Variants in ACSL3 observed in about 807,000 individuals in gnomAD.
ACSL3 encodes fatty acid CoA ligase Acsl3.
A neutral mutation model predicts 84.7 loss-of-function variants in ACSL3; 34 were observed. The ratio of observed to expected loss-of-function variants is 0.40; its 90% CI spans 0.31 to 0.53. ACSL3 has a LOEUF of 0.53. Ranked by LOEUF, ACSL3 falls within the 20% of genes least tolerant of loss-of-function variation. The pLI is 0.48. For missense variants in ACSL3, 680 were observed against 873.1 expected (o/e 0.78, Z 2.79); for synonymous variants, 315 against 299.4 (o/e 1.05, Z -0.54).
intron 1 of ACSL3, among the ~76,000 whole-genome samples, chr2:222,876,507 G>A (rs1243309408): frequency 6.6e-6 from 1 of 151,112 alleles, no homozygotes; most frequent in Non-Finnish European, 1.5e-5. Context: ...ATTTTTTTTT[G>A]TAGACACTAG....
At chr2:222,866,176 C>T (rs541322913) in intron 1 of ACSL3, among the ~76,000 whole-genome samples, 4 of 151,808 alleles carry the variant, frequency 2.6e-5, no homozygotes, top group South Asian at 2.1e-4. Flanking sequence ...GACGGAGTCT[C>T]GCTCTGTCCC....
intron 1 of ACSL3, among the ~76,000 whole-genome samples, chr2:222,877,346 A>G (rs1489914424): frequency 6.6e-6 from 1 of 152,176 alleles, no homozygotes; most frequent in Non-Finnish European, 1.5e-5. Context: ...TTTCCTTGTA[A>G]TGAAGAGGTG....
chr2:222,883,095 T>C (rs1695631718), intron 1 of ACSL3, among the ~76,000 whole-genome samples: 1 of 151,908 alleles, frequency 6.6e-6, no homozygotes, highest in Non-Finnish European at 1.5e-5. Context: ...TAGTACCTCC[T>C]TTTATTCTGA....
chr2:222,908,565 A>G (rs1696357367), intron 3 of ACSL3, among the ~76,000 whole-genome samples, 168 bp from the exon 4 acceptor site: 1 of 152,126 alleles, frequency 6.6e-6, no homozygotes, highest in Non-Finnish European at 1.5e-5. Flanking sequence ...TCCGTTGTTA[A>G]TAGATATTGT....
chr2:222,874,386 T>C (rs1371003918), intron 1 of ACSL3, among the ~76,000 whole-genome samples: 1 of 152,196 alleles, frequency 6.6e-6, no homozygotes, highest in Non-Finnish European at 1.5e-5. Flanking sequence ...GAATAATATT[T>C]TGTATAATTA....
chr2:222,866,457 CT>C (rs1559273221), intron 1 of ACSL3, among the ~76,000 whole-genome samples: 1 of 152,060 alleles, frequency 6.6e-6, no homozygotes, highest in East Asian at 1.9e-4. Context: ...AAAATAGGTT[CT>C]TTTATCATTC....
chr2:222,900,234 T>C (rs572891793), intron 2 of ACSL3, among the ~76,000 whole-genome samples: 127 of 72,984 alleles, frequency 1.7e-3, no homozygotes, highest in African/African-American at 5.8e-3. Flanking sequence ...CGCCCTTGAA[T>C]ACTTGCTCTG....
intron 12 of ACSL3, among the ~76,000 whole-genome samples, chr2:222,928,134 T>C (rs1410178979): frequency 6.6e-6 from 1 of 152,252 alleles, no homozygotes; most frequent in African/African-American, 2.4e-5. Context: ...ATTTGGTCTT[T>C]GAAGAGGAAA....
intron 3 of ACSL3, among the ~76,000 whole-genome samples, chr2:222,906,095 G>A (rs553039281): frequency 3.3e-5 from 5 of 152,008 alleles, no homozygotes; most frequent in South Asian, 2.1e-4. Context: ...GTAGCAACTC[G>A]GAATACTGAT....
At chr2:222,894,318 G>C (rs970025690) in intron 2 of ACSL3, among the ~76,000 whole-genome samples, 1 of 152,152 alleles carries the variant, frequency 6.6e-6, no homozygotes, top group Non-Finnish European at 1.5e-5. Context: ...ATACAGAGAA[G>C]AGATCTTCCT....
chr2:222,921,293 T>C lies in ACSL3; in HGVS notation c.819T>C (p.His273=). The C allele has an allele frequency of 6.3e-7, 1 of 1,595,476 alleles. No homozygotes were observed. ...TCTTCAATGCAGAAAACCAACCTCA[T>C]AGCAAACCATTGCCCTCAGATATTG... ...GAKASMENQP[H]SKPLPSDIAV... Residue 273 remains histidine (H), a synonymous_variant, in exon 8 of 17, where the codon CAT becomes CAC. Transcript: ENST00000357430.
chr2:222,913,702 A>G (rs1278160318), intron 4 of ACSL3, among the ~76,000 whole-genome samples: 3 of 152,184 alleles, frequency 2.0e-5, no homozygotes, highest in Admixed American at 6.5e-5. Flanking sequence ...ACTTCTTTCT[A>G]CAGTGCAGTT....
At chr2:222,918,461 A>G (rs539376440) in intron 6 of ACSL3, among the ~76,000 whole-genome samples, 81 of 151,878 alleles carry the variant, frequency 5.3e-4, no homozygotes, top group African/African-American at 1.8e-3. Context: ...GTAATTTTGA[A>G]GGGTTATATT....
In ACSL3 at chr2:222,941,764, T is replaced by C; in HGVS notation, c.*110T>C. On this transcript the variant is annotated 3_prime_UTR_variant, in exon 17 of 17. Transcript: ENST00000357430. ...AAACTCCATTCCTCATATTAAACTA[T>C]TACTTCTCATGACGTCACCATTTTT... 8.3e-7 allele frequency: 1 copy of C among 1,203,446 alleles called. No individual in the cohort carries two copies. The highest frequency in any genetic ancestry group is 2.5e-5 in the East Asian group (1 of 39,628). 74.5% of individuals were successfully genotyped at this position (1,203,446 alleles called of 1,614,324 possible).
chr2:222,895,316 T>G lies in ACSL3; in HGVS notation c.-147-5358T>G, dbSNP rs375995808. Among the ~76,000 whole-genome samples, 584 of 152,300 alleles carry G rather than the reference T, an allele frequency of 3.8e-3. 2 individuals carry two copies. The highest frequency in any genetic ancestry group is 0.02 in the Middle Eastern group (6 of 294). On this transcript the variant is annotated intron_variant, in intron 2 of 16. Transcript: ENST00000357430. The stretch of plus-strand genomic sequence containing the variant: ...ATTCCTGCACATCTGTGTCCCTGTT[T>G]CTCCCACCCTCTCTCCTCCTCCAGA...
chr2:222,938,948 A>G (rs1470645016), intron 16 of ACSL3, among the ~76,000 whole-genome samples: 2 of 151,698 alleles, frequency 1.3e-5, no homozygotes, highest in African/African-American at 2.4e-5. Flanking sequence ...CAGAATTTCT[A>G]TTTGGTTCTT....
chr2:222,925,856 GT>G (rs1279114343), intron 11 of ACSL3, among the ~76,000 whole-genome samples: 1 of 152,136 alleles, frequency 6.6e-6, no homozygotes, highest in Non-Finnish European at 1.5e-5. Flanking sequence ...TTTGTGTAGT[GT>G]TAATAGAGTA....
chr2:222,941,672 C>T lies in ACSL3; in HGVS notation c.*18C>T. 1 of 1,605,138 alleles carries T rather than the reference C, an allele frequency of 6.2e-7. No homozygotes were observed. Among genetic ancestry groups the T allele is most frequent in the South Asian group, 1.1e-5 (1 of 90,458 alleles). ...GAAAATAATTATTCTCTTCTGGCAT[C>T]AGTTTGCTACAGTGAGCTCAGATCA... On this transcript the variant is annotated 3_prime_UTR_variant, in exon 17 of 17. Transcript: ENST00000357430.
At chr2:222,891,406 T>C (rs1322987386) in intron 2 of ACSL3, among the ~76,000 whole-genome samples, 11 of 152,208 alleles carry the variant, frequency 7.2e-5, no homozygotes, top group African/African-American at 7.2e-5. Flanking sequence ...TCTAGTCTAG[T>C]GTATGTGTTT....
Sources: allele counts gnomAD v4.1 joint callset (sites outside exome capture counted in the v4.1 genomes callset), GRCh38; gene constraint gnomAD v4.1.1; transcripts MANE v1.5; gene names NCBI Gene and HGNC (gene_info 2026-07-23, HGNC 2026-07-21).